The following KCTD16 variants were observed in gnomAD, a reference collection of about 807,000 sequenced individuals.
The protein encoded by KCTD16 is BTB/POZ domain-containing protein KCTD16.
A neutral mutation model predicts 33.2 loss-of-function variants in KCTD16; 13 were observed. The observed-to-expected ratio is 0.39, with a 90% CI of 0.25 to 0.62. KCTD16 has a LOEUF of 0.62. Ranked by LOEUF, KCTD16 falls within the 20% of genes least tolerant of loss-of-function variation. KCTD16 has a pLI of 0.50. For synonymous variants in KCTD16, 197 were observed against 195.3 expected, an observed-to-expected ratio of 1.01 and a Z score of -0.07; for missense variants, 441 against 525.1, an observed-to-expected ratio of 0.84 and a Z score of 1.57.
chr5:144,177,172 T>G (rs1752526966), intron 2 of KCTD16, among the ~76,000 whole-genome samples: 1 of 152,212 alleles, frequency 6.6e-6, no homozygotes, highest in South Asian at 2.1e-4. Flanking sequence ...GAAGAATTCC[T>G]CACAACTCTC....
chr5:144,250,560 A>G (rs1340852009), intron 3 of KCTD16, among the ~76,000 whole-genome samples: 2 of 152,234 alleles, frequency 1.3e-5, no homozygotes, highest in Admixed American at 6.5e-5. Context: ...TCCGAGAAGT[A>G]TACAGTTTAG....
At chr5:144,189,091 C>G (rs1752787070) in intron 2 of KCTD16, among the ~76,000 whole-genome samples, 1 of 152,164 alleles carries the variant, frequency 6.6e-6, no homozygotes, top group Admixed American at 6.5e-5. Flanking sequence ...TAAGATATGC[C>G]AGGCTCTTTA....
At chr5:144,362,785 CCTGCCA>C in intron 3 of KCTD16, among the ~76,000 whole-genome samples, 1 of 152,058 alleles carries the variant, frequency 6.6e-6, no homozygotes, top group Admixed American at 6.6e-5. Context: ...AAACCCAAGC[CCTGCCA>C]CTGGCTAGGG....
In KCTD16 at chr5:144,207,089, T is replaced by C. The variant is rs760940703; in HGVS notation, c.375T>C (p.Asp125=). The C allele has an allele frequency of 1.2e-6, 2 of 1,611,518 alleles. No individual in the cohort carries two copies. Among genetic ancestry groups the C allele is most frequent in the Admixed American group, 3.4e-5 (2 of 59,590 alleles). ...LPDLVKLLTP[D]EIKQSPDEFC... ...ACTTGGTCAAACTCCTGACCCCCGA[T>C]GAAATCAAGCAAAGCCCAGATGAAT... Residue 125 remains aspartate, a synonymous_variant, in exon 3 of 4, where the codon GAT becomes GAC. Transcript: ENST00000512467.
chr5:144,298,183 C>T (rs1181972522), intron 3 of KCTD16, among the ~76,000 whole-genome samples: 1 of 152,188 alleles, frequency 6.6e-6, no homozygotes, highest in African/African-American at 2.4e-5. Flanking sequence ...ATAACATTCA[C>T]CACACGGCCC....
intron 3 of KCTD16, among the ~76,000 whole-genome samples, chr5:144,342,254 A>G (rs962377271): frequency 1.3e-5 from 2 of 152,164 alleles, no homozygotes; most frequent in East Asian, 1.9e-4. Context: ...ATTTCATTGA[A>G]CAGTGGTTTG....
intron 3 of KCTD16, among the ~76,000 whole-genome samples, chr5:144,282,841 C>T (rs575198930): frequency 1.3e-5 from 2 of 152,096 alleles, no homozygotes; most frequent in Non-Finnish European, 2.9e-5. Flanking sequence ...TTTTCCAGTT[C>T]TCTGGTAATA....
At chr5:144,316,583 ACTCACTGCAACCTCCACC>A (rs1751922122) in intron 3 of KCTD16, among the ~76,000 whole-genome samples, 2 of 131,806 alleles carry the variant, frequency 1.5e-5, no homozygotes, top group African/African-American at 5.9e-5. Context: ...CGATCTCTCC[ACTCACTGCAACCTCCACC>A]TCCCGGGTTC....
At chr5:144,470,454 A>G (rs1037827678) in intron 3 of KCTD16, among the ~76,000 whole-genome samples, 1 of 152,226 alleles carries the variant, frequency 6.6e-6, no homozygotes, top group African/African-American at 2.4e-5. Context: ...GTTGGGCTGT[A>G]GTACTATTAA....
rs72800581 is a variant in KCTD16 at position 144,245,146 on chromosome 5, G to A, written c.832+37600G>A. Among the ~76,000 whole-genome samples, 551 of 152,146 alleles carry A rather than the reference G, an allele frequency of 3.6e-3. 2 individuals are homozygous for A. Among genetic ancestry groups the A allele is most frequent in the Middle Eastern group, 0.014 (4 of 294 alleles). ...AAATATCTTCAATGGACCTGCTATT[G>A]TGCTGGGTGATGAGGATTAGGGAGA... On this transcript the variant is annotated intron_variant, in intron 3 of 3. Coordinates refer to ENST00000512467, the MANE Select transcript of KCTD16 (RefSeq NM_020768.4).
chr5:144,195,984 CT>C (rs1384844522), intron 2 of KCTD16, among the ~76,000 whole-genome samples: 4 of 152,138 alleles, frequency 2.6e-5, no homozygotes, highest in Non-Finnish European at 4.4e-5. Context: ...GTGTTTTCCC[CT>C]ATTGGATTAT....
intron 3 of KCTD16, among the ~76,000 whole-genome samples, chr5:144,299,063 TATATATA>T (rs1476389917): frequency 9.9e-5 from 9 of 90,532 alleles, no homozygotes; most frequent in African/African-American, 3.4e-4. Context: ...TATATATATA[TATATATA>T]TATTTTTGTA....
At chr5:144,309,672 C>T (rs941476463) in intron 3 of KCTD16, among the ~76,000 whole-genome samples, 3 of 152,106 alleles carry the variant, frequency 2.0e-5, no homozygotes, top group Non-Finnish European at 2.9e-5. Context: ...CTAGAGGCTA[C>T]GTATCTGCTT....
chr5:144,329,155 C>T (rs891777205), intron 3 of KCTD16, among the ~76,000 whole-genome samples: 8 of 152,192 alleles, frequency 5.3e-5, no homozygotes, highest in Non-Finnish European at 1.0e-4. Flanking sequence ...TTCTCCTGCA[C>T]ACTCACTGGC....
At chr5:144,343,364 A>G (rs971689506) in intron 3 of KCTD16, among the ~76,000 whole-genome samples, 2 of 152,018 alleles carry the variant, frequency 1.3e-5, no homozygotes, top group Admixed American at 6.6e-5. Flanking sequence ...GTTTATTTGC[A>G]TAGAGGTGTT....
intron 3 of KCTD16, among the ~76,000 whole-genome samples, chr5:144,257,304 TA>T (rs1272283043): frequency 2.6e-5 from 4 of 152,188 alleles, no homozygotes; most frequent in Admixed American, 2.0e-4. Flanking sequence ...AGTTTTTTTG[TA>T]AATGCTCAAG....
intron 3 of KCTD16, among the ~76,000 whole-genome samples, chr5:144,236,435 A>G (rs1754256200): frequency 6.6e-6 from 1 of 152,122 alleles, no homozygotes; most frequent in South Asian, 2.1e-4. Context: ...AAATTTATGG[A>G]ACTGGTGGGT....
At chr5:144,280,674 C>T (rs1477784446) in intron 3 of KCTD16, among the ~76,000 whole-genome samples, 1 of 152,202 alleles carries the variant, frequency 6.6e-6, no homozygotes, top group East Asian at 1.9e-4. Flanking sequence ...CCTGTAATCC[C>T]AGCACTTCGG....
At chr5:144,263,658 ACACATGAAGGT>A (rs538869779) in intron 3 of KCTD16, among the ~76,000 whole-genome samples, 54 of 152,372 alleles carry the variant, frequency 3.5e-4, no homozygotes, top group Non-Finnish European at 6.3e-4. Flanking sequence ...TTTTGGCAAA[ACACATGAAGGT>A]CATGTACAAA....
Sources: allele counts gnomAD v4.1 joint callset (sites outside exome capture counted in the v4.1 genomes callset), GRCh38; gene constraint gnomAD v4.1.1; transcripts MANE v1.5; gene names NCBI Gene and HGNC (gene_info 2026-07-23, HGNC 2026-07-21).